GINS1: variants seen among roughly 807,000 people sequenced by gnomAD.
GINS1 encodes the protein DNA replication complex GINS protein PSF1.
In GINS1, 26 loss-of-function variants were observed where a neutral mutation model predicts 34.9. That is an observed-to-expected ratio of 0.74 (90% CI 0.55 to 1.03). The LOEUF (loss-of-function observed/expected upper bound fraction) is 1.03, where lower values mean the gene tolerates loss of function less well. Among genes scored for constraint, GINS1 ranks in the 50% least tolerant of loss-of-function variants. The pLI, the probability that GINS1 is intolerant of heterozygous loss-of-function variation, is 0.00. For missense variants in GINS1, 235 were observed against 237.9 expected, an observed-to-expected ratio of 0.99 and a Z score of 0.08; for synonymous variants, 97 against 84.4, an observed-to-expected ratio of 1.15 and a Z score of -0.82.
At chr20:25,423,877 G>C (rs2090374890) in intron 4 of GINS1, among the ~76,000 whole-genome samples, 1 of 151,318 alleles carries the variant, frequency 6.6e-6, no homozygotes, top group Non-Finnish European at 1.5e-5. Flanking sequence ...GCCTCTCAAA[G>C]TTCTGGGATT....
intron 1 of GINS1, among the ~76,000 whole-genome samples, chr20:25,410,298 G>C (rs890882705): frequency 2.0e-5 from 3 of 151,616 alleles, no homozygotes; most frequent in African/African-American, 7.3e-5. Context: ...CCAAGATCGG[G>C]TCACTGCACT....
intron 6 of GINS1, among the ~76,000 whole-genome samples, chr20:25,443,379 A>G (rs1292791745): frequency 6.6e-6 from 1 of 152,126 alleles, no homozygotes; most frequent in African/African-American, 2.4e-5. Flanking sequence ...AGGGCCCAGG[A>G]GGAAGCTCTG....
intron 5 of GINS1, among the ~76,000 whole-genome samples, chr20:25,437,807 T>C (rs2090461684): frequency 6.6e-6 from 1 of 152,132 alleles, no homozygotes; most frequent in African/African-American, 2.4e-5. Flanking sequence ...TAATTGACAT[T>C]ACCAACAGTT....
chr20:25,408,916 A>G (rs2090264809), intron 1 of GINS1: 1 of 983,680 alleles, frequency 1.0e-6, no homozygotes, highest in Non-Finnish European at 1.2e-6. Flanking sequence ...TTCTGCTGGA[A>G]GATGGGCACA....
chr20:25,420,127 A>C (rs2090345839), intron 4 of GINS1, among the ~76,000 whole-genome samples: 1 of 151,956 alleles, frequency 6.6e-6, no homozygotes, highest in African/African-American at 2.4e-5. Flanking sequence ...TGTTAACAGC[A>C]AATAAAATAT....
At chr20:25,433,814 A>G (rs765682879) in intron 5 of GINS1, among the ~76,000 whole-genome samples, 13 of 152,196 alleles carry the variant, frequency 8.5e-5, no homozygotes, top group Non-Finnish European at 1.8e-4. Context: ...ATGTCACAAA[A>G]CTACATCTTT....
Position 25,441,705 on chromosome 20 carries a change from C to A in GINS1, c.451C>A (p.Arg151=). 1 of 1,516,064 alleles carries A rather than the reference C, an allele frequency of 6.6e-7. No individual in the cohort carries two copies. The highest frequency in any genetic ancestry group is 9.0e-7 in the Non-Finnish European group (1 of 1,107,728). The allele number at this position is 1,516,064 out of a possible 1,614,324, so 93.9% of individuals were successfully genotyped here. ...KPPKSLYIEV[R]CLKDYGEFEV... ...CATCTCTCATTTTTTCTTTCAGGTC[C>A]GGTGTCTAAAAGACTATGGAGAATT... Residue 151 remains arginine (R), a synonymous_variant, in exon 6 of 7, where the codon CGG becomes AGG. Coordinates refer to ENST00000262460, the MANE Select transcript of GINS1 (RefSeq NM_021067.5).
chr20:25,440,829 A>G (rs867545883), intron 5 of GINS1, among the ~76,000 whole-genome samples: 2,886 of 150,186 alleles, frequency 0.019, 63 homozygotes, highest in African/African-American at 0.051. Flanking sequence ...AAAAAAAAAA[A>G]AAAGAAAGAA....
chr20:25,425,119 G>A (rs934805507), intron 4 of GINS1, 92 bp from the exon 5 acceptor site: 36 of 670,142 alleles, frequency 5.4e-5, no homozygotes, highest in Admixed American at 2.6e-4. Flanking sequence ...ACAGTGATTT[G>A]TGTTGGGATG....
intron 4 of GINS1, among the ~76,000 whole-genome samples, chr20:25,419,463 T>C (rs1431213599): frequency 6.6e-6 from 1 of 152,190 alleles, no homozygotes; most frequent in Admixed American, 6.6e-5. Context: ...AATAAATGAG[T>C]AATCTCTACC....
chr20:25,423,690 T>C (rs2090373350), intron 4 of GINS1, among the ~76,000 whole-genome samples: 1 of 149,178 alleles, frequency 6.7e-6, no homozygotes, highest in Admixed American at 6.7e-5. Flanking sequence ...CTCAGCTCAC[T>C]GCAAGCTCTA....
intron 5 of GINS1, among the ~76,000 whole-genome samples, chr20:25,426,035 C>T (rs1207844497): frequency 6.6e-6 from 1 of 152,128 alleles, no homozygotes; most frequent in Non-Finnish European, 1.5e-5. Context: ...ATACCCCTGC[C>T]TCCCATCCCC....
intron 5 of GINS1, among the ~76,000 whole-genome samples, chr20:25,432,737 G>T (rs1365589105): frequency 6.6e-6 from 1 of 151,774 alleles, no homozygotes; most frequent in African/African-American, 2.4e-5. Flanking sequence ...AAAGTGCTGG[G>T]ATTACAGGCG....
chr20:25,437,125 A>G (rs1316893571), intron 5 of GINS1, among the ~76,000 whole-genome samples: 1 of 152,076 alleles, frequency 6.6e-6, no homozygotes, highest in Admixed American at 6.6e-5. Context: ...TCACTGCCCT[A>G]GTCTTTAATG....
At chr20:25,415,255 G>T (rs2090313106) in intron 2 of GINS1, among the ~76,000 whole-genome samples, 1 of 152,212 alleles carries the variant, frequency 6.6e-6, no homozygotes, top group South Asian at 2.1e-4. Flanking sequence ...AACCTCAACA[G>T]ATTTGCAGTA....
At chr20:25,427,878 T>G (rs1347533122) in intron 5 of GINS1, among the ~76,000 whole-genome samples, 4 of 149,738 alleles carry the variant, frequency 2.7e-5, no homozygotes, top group Non-Finnish European at 5.9e-5. Context: ...CATTTTTTTT[T>G]TTTTTTTTTT....
rs1328913728 is a variant in GINS1 at position 25,407,837 on chromosome 20, C to G, written c.17C>G (p.Ala6Gly). 1 of 1,613,894 alleles carries G rather than the reference C, an allele frequency of 6.2e-7. No individual in the cohort carries two copies. The highest frequency in any genetic ancestry group is 8.5e-7 in the Non-Finnish European group (1 of 1,179,860). MFCEK[A>G]MELIRELHRA... is the part of the protein sequence containing the mutation. ...GCGTCCGCCATGTTCTGCGAAAAAG[C>G]CATGGAACTGATCCGCGAGCTGCAT... The change falls in exon 1 of 7, where the codon GCC becomes GGC. Residue 6 changes from alanine to glycine, a missense_variant. Ala to Gly is a moderately conservative substitution (Grantham distance 60). Coordinates refer to ENST00000262460, the MANE Select transcript of GINS1 (RefSeq NM_021067.5).
intron 5 of GINS1, 79 bp downstream of exon 5, chr20:25,425,406 T>C: frequency 1.5e-6 from 1 of 676,856 alleles, no homozygotes; most frequent in Non-Finnish European, 2.7e-6. Flanking sequence ...AGTATATGAA[T>C]ATGTGTTAGC....
At chr20:25,414,599 G>T (rs1330438381) in intron 2 of GINS1, among the ~76,000 whole-genome samples, 6 of 152,112 alleles carry the variant, frequency 3.9e-5, no homozygotes, top group East Asian at 1.9e-4. Context: ...ACTCAGCAGG[G>T]TAAGGTGAGA....
Sources: allele counts gnomAD v4.1 joint callset (sites outside exome capture counted in the v4.1 genomes callset), GRCh38; gene constraint gnomAD v4.1.1; transcripts MANE v1.5; gene names NCBI Gene and HGNC (gene_info 2026-07-23, HGNC 2026-07-21).